The following DNMT3B variants were observed in gnomAD, a reference collection of about 807,000 sequenced individuals.
The protein encoded by DNMT3B is DNA methyltransferase 3 beta.
In DNMT3B, 37 loss-of-function variants were observed where a neutral mutation model predicts 120.2. That is an observed-to-expected ratio of 0.31 (90% confidence interval 0.24 to 0.40). The LOEUF (loss-of-function observed/expected upper bound fraction) is 0.40, where lower values mean the gene tolerates loss of function less well. DNMT3B is among the 10% of genes least tolerant of loss of function. The pLI, the probability that DNMT3B is intolerant of heterozygous loss-of-function variation, is 1.00. For missense variants in DNMT3B, 878 were observed against 1,137.3 expected (o/e 0.77, Z 3.28); for synonymous variants, 412 against 442.8 (o/e 0.93, Z 0.87).
chr20:32,790,227 G>A (rs1479337026), intron 7 of DNMT3B, among the ~76,000 whole-genome samples: 1 of 152,228 alleles, frequency 6.6e-6, no homozygotes, highest in Non-Finnish European at 1.5e-5. Context: ...ACCAGCAGAG[G>A]GAGGACAAGT....
rs1241812878 is a variant in DNMT3B at position 32,798,528 on chromosome 20, A to T, written c.1559A>T (p.Glu520Val). 1.2e-6 allele frequency: 2 copies of T among 1,614,056 alleles called. No homozygotes were observed. Among genetic ancestry groups the T allele is most frequent in the African/African-American group, 1.3e-5 (1 of 74,936 alleles). ...TGTAAEAKLQ[E>V]PWSCYMCLPQ... ...ACAGCGGCCGAGGCCAAGCTTCAGGAGCCCTGGAGCTGTTACATGTGTCTC... is the reference window on the plus strand; with the variant it reads ...ACAGCGGCCGAGGCCAAGCTTCAGGTGCCCTGGAGCTGTTACATGTGTCTC... The change falls in exon 15 of 23, where the codon GAG becomes GTG. Residue 520 changes from glutamate (E) to valine (V), a missense_variant. Physicochemically the swap from Glu to Val is moderately radical, Grantham distance 121. Coordinates refer to ENST00000328111, the MANE Select transcript of DNMT3B (RefSeq NM_006892.4).
intron 9 of DNMT3B, 61 bp downstream of exon 9, chr20:32,792,831 G>C: frequency 6.2e-7 from 1 of 1,608,964 alleles, no homozygotes; most frequent in Non-Finnish European, 8.5e-7. Context: ...CTTCTTGGGA[G>C]AGTCAGCCAC....
In DNMT3B at chr20:32,787,659, C is replaced by A. The variant is rs148586562; in HGVS notation, c.654+208C>A. Among the ~76,000 whole-genome samples the A allele has an allele frequency of 6.3e-3, 963 of 152,294 alleles. 6 individuals are homozygous for A. Among genetic ancestry groups the A allele is most frequent in the Middle Eastern group, 0.048 (14 of 294 alleles). On this transcript the variant is annotated intron_variant, in intron 6 of 22. Transcript: ENST00000328111. The stretch of plus-strand genomic sequence containing the variant: ...TCCTCTCCCAGACATAAGTCAAATG[C>A]CAGTATTTACCACGTGAATACTGTG...
chr20:32,805,911 C>T (rs1197749224), intron 21 of DNMT3B, among the ~76,000 whole-genome samples: 1 of 152,156 alleles, frequency 6.6e-6, no homozygotes, highest in African/African-American at 2.4e-5. Flanking sequence ...CGTTCATGGT[C>T]ACTTTTTTGT....
In DNMT3B at chr20:32,786,031, C is replaced by T. The variant is rs569134344; in HGVS notation, c.307-471C>T. Reference sequence around the variant, plus strand: ...CCTGAGTAGCTGTGACTACAGGCACCCACCACCATGCCTGGCTAATTTTTG... The same window carrying T: ...CCTGAGTAGCTGTGACTACAGGCACTCACCACCATGCCTGGCTAATTTTTG... On this transcript the variant is annotated intron_variant, in intron 4 of 22. Transcript: ENST00000328111. 7.3e-4 allele frequency among the ~76,000 whole-genome samples: 111 copies of T among 152,124 alleles called. 1 individual carries two copies. The highest frequency in any genetic ancestry group is 2.6e-3 in the African/African-American group (106 of 41,490).
chr20:32,807,846 C>T lies in DNMT3B; in HGVS notation c.2505C>T (p.Ser835=), dbSNP rs955772228. 1.2e-5 allele frequency: 19 copies of T among 1,614,110 alleles called. No individual in the cohort carries two copies. The highest frequency in any genetic ancestry group is 6.7e-5 in the East Asian group (3 of 44,896). The change falls in exon 23 of 23, where the codon AGC becomes AGT. Residue 835 remains serine, a synonymous_variant. Coordinates refer to ENST00000328111, the MANE Select transcript of DNMT3B (RefSeq NM_006892.4). ...ARQKLLGRSW[S]VPVIRHLFAP... Reference sequence around the variant, plus strand: ...AGAAGCTGCTGGGAAGGTCCTGGAGCGTGCCTGTCATCCGACACCTCTTCG... The same window carrying T: ...AGAAGCTGCTGGGAAGGTCCTGGAGTGTGCCTGTCATCCGACACCTCTTCG...
At chr20:32,793,834 T>A (rs1420646271) in intron 10 of DNMT3B, among the ~76,000 whole-genome samples, 1 of 152,198 alleles carries the variant, frequency 6.6e-6, no homozygotes, top group East Asian at 1.9e-4. Context: ...TTTATTAATA[T>A]TAATACTGTA....
At chr20:32,786,460 C>T in intron 4 of DNMT3B, 42 bp from the exon 5 acceptor site, 2 of 1,613,564 alleles carry the variant, frequency 1.2e-6, no homozygotes, top group Non-Finnish European at 1.7e-6. Context: ...CCCCAGGCCT[C>T]CAGTCACCTA....
chr20:32,786,715 G>C, intron 5 of DNMT3B, 88 bp downstream of exon 5: 1 of 1,591,038 alleles, frequency 6.3e-7, no homozygotes, highest in South Asian at 1.1e-5. Context: ...GTGGCTGGTA[G>C]ATAATCTGTG....
At chr20:32,781,718 A>G (rs1978646317) in intron 3 of DNMT3B, among the ~76,000 whole-genome samples, 1 of 152,234 alleles carries the variant, frequency 6.6e-6, no homozygotes, top group African/African-American at 2.4e-5. Context: ...CCAGAAATAA[A>G]CAATTTATAC....
chr20:32,774,020 G>A (rs1449195983), intron 1 of DNMT3B, among the ~76,000 whole-genome samples: 4 of 132,684 alleles, frequency 3.0e-5, no homozygotes, highest in African/African-American at 8.4e-5. Context: ...ATCAGACAGA[G>A]CAAAAGCACA....
intron 14 of DNMT3B, 152 bp from the exon 15 acceptor site, chr20:32,798,308 A>G: frequency 1.1e-6 from 1 of 903,252 alleles, no homozygotes. Flanking sequence ...GGAAGCCCGT[A>G]CTGCACAGGG....
At chr20:32,801,463 C>A (rs755540935) in intron 19 of DNMT3B, 37 bp downstream of exon 19, 61 of 1,612,902 alleles carry the variant, frequency 3.8e-5, no homozygotes, top group Non-Finnish European at 5.0e-5. Context: ...CACAGACAGC[C>A]AGGGCAGGGA....
At position 32,781,406 on chromosome 20, in the gene DNMT3B, T is replaced by A; in HGVS notation, c.196T>A (p.Tyr66Asn). ...GAGGGAGGTGTCCAGTCTGCTAAGCTACACACAGGTATGGTCTCTGCTCTC... is the reference window on the plus strand; with the variant it reads ...GAGGGAGGTGTCCAGTCTGCTAAGCAACACACAGGTATGGTCTCTGCTCTC... ...SKREVSSLLS[Y>N]TQDLTGDGDG... Residue 66 changes from tyrosine to asparagine, a missense_variant, in exon 3 of 23, where the codon TAC becomes AAC. Tyr to Asn is a moderately radical substitution (Grantham distance 143, BLOSUM62 -2). Around this residue, in one of 4 missense-constraint regions of DNMT3B, gnomAD observed 287 missense variants for 306.2 expected, o/e 0.94. Coordinates refer to ENST00000328111, the MANE Select transcript of DNMT3B (RefSeq NM_006892.4). The A allele has an allele frequency of 6.2e-7, 1 of 1,614,232 alleles. No individual in the cohort carries two copies. The highest frequency in any genetic ancestry group is 8.5e-7 in the Non-Finnish European group (1 of 1,180,044).
intron 15 of DNMT3B, 122 bp downstream of exon 15, chr20:32,798,765 T>C (rs1980967294): frequency 3.6e-6 from 5 of 1,403,398 alleles, no homozygotes; most frequent in Middle Eastern, 2.4e-4. Flanking sequence ...GGAGCCTCAA[T>C]GGCTGAGAGA....
chr20:32,775,019 G>T (rs1987998693), intron 1 of DNMT3B, among the ~76,000 whole-genome samples: 1 of 151,976 alleles, frequency 6.6e-6, no homozygotes, highest in African/African-American at 2.4e-5. Flanking sequence ...ACCGCGCCTG[G>T]CCTAATTTTT....
chr20:32,777,556 A>C (rs1988128848), intron 1 of DNMT3B, among the ~76,000 whole-genome samples: 1 of 152,126 alleles, frequency 6.6e-6, no homozygotes, highest in Non-Finnish European at 1.5e-5. Context: ...CCTGGCCACA[A>C]ACAAACCCTG....
chr20:32,799,131 A>G, intron 15 of DNMT3B, 113 bp from the exon 16 acceptor site: 3 of 1,167,638 alleles, frequency 2.6e-6, no homozygotes, highest in Non-Finnish European at 3.7e-6. Context: ...GGCTTTTTGC[A>G]GTGGCTACGG....
In DNMT3B at chr20:32,809,160, TAC is replaced by T. The variant is rs1982256669; in HGVS notation, c.*1260_*1261del. ...TTGACAAGTTTTGTGGGGCTTTTTA[TAC>T]ACTTTTTAAAATCTCAAACTTCTAT... On this transcript the variant is annotated 3_prime_UTR_variant, in exon 23 of 23. Transcript: ENST00000328111. The T allele has an allele frequency of 4.7e-6, 1 of 214,692 alleles. No homozygotes were observed. The highest frequency in any genetic ancestry group is 9.4e-6 in the Non-Finnish European group (1 of 106,242). 13.3% of individuals were successfully genotyped at this position (214,692 alleles called of 1,614,324 possible). A position where few individuals can be genotyped will look rare whatever the true frequency, so the allele number is the denominator to read the frequency against.
Sources: allele counts gnomAD v4.1 joint callset (sites outside exome capture counted in the v4.1 genomes callset), GRCh38; gene constraint gnomAD v4.1.1; regional missense constraint gnomAD v4.1.1; transcripts MANE v1.5; gene names NCBI Gene and HGNC (gene_info 2026-07-23, HGNC 2026-07-21).